Variants in SYNPR observed in about 807,000 individuals in gnomAD.
SYNPR encodes synaptoporin.
SYNPR carries 23 observed loss-of-function variants against 32.9 expected under a neutral mutation model. That is an observed-to-expected ratio of 0.70 (90% CI 0.50 to 0.99). The LOEUF (loss-of-function observed/expected upper bound fraction) is 0.99. SYNPR is among the 50% of genes least tolerant of loss of function. The pLI is 0.00. For missense variants in SYNPR, 318 were observed against 349.3 expected, an observed-to-expected ratio of 0.91 and a Z score of 0.71; for synonymous variants, 146 against 135.9, an observed-to-expected ratio of 1.07 and a Z score of -0.52.
chr3:63,341,039 T>G (rs2087363529), intron 2 of SYNPR, among the ~76,000 whole-genome samples: 1 of 152,222 alleles, frequency 6.6e-6, no homozygotes, highest in Admixed American at 6.5e-5. Flanking sequence ...TAGTCATCTC[T>G]CTCTTCCTTC....
chr3:63,363,269 G>A lies in SYNPR; in HGVS notation c.84+84527G>A, dbSNP rs569406063. Among the ~76,000 whole-genome samples, 98 of 152,100 alleles carry A rather than the reference G, an allele frequency of 6.4e-4. 1 individual carries two copies. The highest frequency in any genetic ancestry group is 1.2e-3 in the Non-Finnish European group (84 of 68,016). ...TTTAAATTAATTGTTTTCTTCTAGG[G>A]AAGATTTCAGAAAAAATAATAATAA... On this transcript the variant is annotated intron_variant, in intron 2 of 5. Coordinates refer to ENST00000478300, the MANE Select transcript of SYNPR (RefSeq NM_001130003.2).
Position 63,588,395 on chromosome 3 carries a change from T to G in SYNPR, c.409-20730T>G, listed in dbSNP as rs79781877. Among the ~76,000 whole-genome samples, 1,517 of 152,162 alleles carry G rather than the reference T, an allele frequency of 1.0e-2. 11 individuals are homozygous for G. Among genetic ancestry groups the G allele is most frequent in the Non-Finnish European group, 0.013 (858 of 67,978 alleles). On this transcript the variant is annotated intron_variant, in intron 4 of 5. Transcript: ENST00000478300. ...CCAGATGTTTCATCTATATGCTGCCTGACATCTGGTGTTTTCCAGCTATAT... is the reference window on the plus strand; with the variant it reads ...CCAGATGTTTCATCTATATGCTGCCGGACATCTGGTGTTTTCCAGCTATAT...
At chr3:63,595,714 A>ATTT (rs59324330) in intron 4 of SYNPR, among the ~76,000 whole-genome samples, 1 of 33,236 alleles carries the variant, frequency 3.0e-5, no homozygotes, top group Admixed American at 6.2e-4. Context: ...TCTGAATCTT[A>ATTT]TTTTATATAT....
intron 2 of SYNPR, among the ~76,000 whole-genome samples, chr3:63,412,175 G>A (rs2088475358): frequency 6.6e-6 from 1 of 152,118 alleles, no homozygotes; most frequent in Non-Finnish European, 1.5e-5. Flanking sequence ...CACTGGAAGA[G>A]TATCAGATTT....
At chr3:63,540,421 A>C (rs754090848) in intron 3 of SYNPR, among the ~76,000 whole-genome samples, 13 of 152,086 alleles carry the variant, frequency 8.5e-5, no homozygotes, top group Non-Finnish European at 1.6e-4. Flanking sequence ...AGGTGCAGAA[A>C]ACAAGGTCCT....
At chr3:63,602,564 G>T (rs1223752825) in intron 4 of SYNPR, among the ~76,000 whole-genome samples, 1 of 152,020 alleles carries the variant, frequency 6.6e-6, no homozygotes, top group African/African-American at 2.4e-5. Flanking sequence ...TTCTGCATAG[G>T]GCTAGCCAGT....
intron 2 of SYNPR, among the ~76,000 whole-genome samples, chr3:63,336,164 G>C (rs1392565712): frequency 6.6e-6 from 1 of 151,938 alleles, no homozygotes; most frequent in Non-Finnish European, 1.5e-5. Context: ...TATTTACTTG[G>C]AAAATTTTAC....
At chr3:63,356,187 G>C (rs142308479) in intron 2 of SYNPR, among the ~76,000 whole-genome samples, 278 of 152,228 alleles carry the variant, frequency 1.8e-3, no homozygotes, top group Non-Finnish European at 3.3e-3. Context: ...CCATCAACTT[G>C]GCATGAAGGC....
At chr3:63,456,338 C>T (rs377534567) in intron 2 of SYNPR, among the ~76,000 whole-genome samples, 49 of 152,118 alleles carry the variant, frequency 3.2e-4, no homozygotes, top group African/African-American at 9.9e-4. Flanking sequence ...ATTCACACTC[C>T]GAGCAAGGAG....
At chr3:63,312,467 T>A (rs2086976358) in intron 2 of SYNPR, among the ~76,000 whole-genome samples, 1 of 151,956 alleles carries the variant, frequency 6.6e-6, no homozygotes, top group South Asian at 2.1e-4. Flanking sequence ...TGGGGCTATT[T>A]CAAACACTGC....
intron 3 of SYNPR, among the ~76,000 whole-genome samples, chr3:63,516,654 A>C (rs888238347): frequency 4.6e-5 from 7 of 152,064 alleles, no homozygotes; most frequent in Admixed American, 1.3e-4. Flanking sequence ...AGATCCAAAG[A>C]CTTCTCTATT....
chr3:63,520,645 C>T (rs1188202286), intron 3 of SYNPR, among the ~76,000 whole-genome samples: 2 of 149,104 alleles, frequency 1.3e-5, no homozygotes, highest in Admixed American at 6.7e-5. Flanking sequence ...TGCACTCCAG[C>T]CTGGGTGACA....
At chr3:63,362,511 C>G (rs1006005563) in intron 2 of SYNPR, among the ~76,000 whole-genome samples, 3 of 152,076 alleles carry the variant, frequency 2.0e-5, no homozygotes, top group African/African-American at 7.2e-5. Context: ...ATGGAGCCTA[C>G]CATGTTGCCA....
chr3:63,503,848 T>C (rs1701532248), intron 3 of SYNPR, among the ~76,000 whole-genome samples: 1 of 152,010 alleles, frequency 6.6e-6, no homozygotes, highest in African/African-American at 2.4e-5. Flanking sequence ...GCTAAGGTGA[T>C]GAGTCTGAAA....
intron 4 of SYNPR, among the ~76,000 whole-genome samples, chr3:63,601,085 C>T (rs1700034151): frequency 6.6e-6 from 1 of 152,000 alleles, no homozygotes; most frequent in Admixed American, 6.6e-5. Flanking sequence ...CCAGCCTGAC[C>T]CACATGGAGA....
intron 3 of SYNPR, among the ~76,000 whole-genome samples, chr3:63,542,048 T>C (rs1702313813): frequency 6.6e-6 from 1 of 152,156 alleles, no homozygotes; most frequent in South Asian, 2.1e-4. Context: ...GATGCTCCAG[T>C]CACTTATAAA....
chr3:63,431,840 T>A (rs1700002550), intron 2 of SYNPR, among the ~76,000 whole-genome samples: 1 of 151,518 alleles, frequency 6.6e-6, no homozygotes, highest in South Asian at 2.1e-4. Context: ...CTTTTCTTTT[T>A]TTTTTTTTCT....
chr3:63,322,225 A>G (rs1326209007), intron 2 of SYNPR, among the ~76,000 whole-genome samples: 1 of 152,098 alleles, frequency 6.6e-6, no homozygotes, highest in African/African-American at 2.4e-5. Flanking sequence ...TGTGATGAGC[A>G]TACAGTTTGT....
At chr3:63,401,965 A>G (rs1164571146) in intron 2 of SYNPR, among the ~76,000 whole-genome samples, 1 of 152,144 alleles carries the variant, frequency 6.6e-6, no homozygotes, top group African/African-American at 2.4e-5. Context: ...ACACCTAGAG[A>G]ACAAAGTCTT....
Sources: gnomAD v4.1 joint callset for allele counts (sites outside exome capture counted in the v4.1 genomes callset) on GRCh38, gnomAD v4.1.1 for gene constraint, MANE v1.5 for transcripts, NCBI Gene and HGNC (gene_info 2026-07-23, HGNC 2026-07-21) for gene names.